The following PARD3B variants were observed in gnomAD, a reference collection of about 807,000 sequenced individuals.
PARD3B encodes partitioning defective 3 homolog B.
Under a neutral mutation model 130.2 loss-of-function variants are expected in PARD3B, and 103 were observed. The observed-to-expected ratio is 0.79, with a 90% confidence interval of 0.67 to 0.93. The LOEUF is 0.93. Ranked by LOEUF, PARD3B falls within the 40% of genes least tolerant of loss-of-function variation. PARD3B has a pLI of 0.00. For synonymous variants in PARD3B, 583 were observed against 553.2 expected, an observed-to-expected ratio of 1.05 and a Z score of -0.76; for missense variants, 1,609 against 1,499.2, an observed-to-expected ratio of 1.07 and a Z score of -1.21.
chr2:205,492,657 AAATAG>A (rs1297887553), intron 20 of PARD3B, among the ~76,000 whole-genome samples: 1 of 152,156 alleles, frequency 6.6e-6, no homozygotes, highest in South Asian at 2.1e-4. Flanking sequence ...CCTTTGAAAA[AAATAG>A]AGATGCTTTA....
intron 21 of PARD3B, among the ~76,000 whole-genome samples, chr2:205,533,660 T>A (rs972331221): frequency 6.6e-6 from 1 of 152,166 alleles, no homozygotes; most frequent in Non-Finnish European, 1.5e-5. Context: ...ATTCTCAAAT[T>A]TATAAAAATA....
At chr2:205,416,731 A>G (rs2046789824) in intron 19 of PARD3B, among the ~76,000 whole-genome samples, 1 of 152,168 alleles carries the variant, frequency 6.6e-6, no homozygotes, top group Non-Finnish European at 1.5e-5. Context: ...TCATGTAAGT[A>G]TCCACTGTAG....
chr2:205,164,152 A>G (rs183597757), intron 11 of PARD3B, among the ~76,000 whole-genome samples: 8 of 152,262 alleles, frequency 5.3e-5, no homozygotes, highest in African/African-American at 1.9e-4. Flanking sequence ...ACCTTAAAAA[A>G]GGAAGTTATT....
chr2:205,555,611 C>T lies in PARD3B; in HGVS notation c.3260+2208C>T, dbSNP rs550209760. 4.6e-5 allele frequency among the ~76,000 whole-genome samples: 7 copies of T among 152,130 alleles called. No homozygotes were observed. The South Asian group carries it at 1.5e-3, about 32-fold the overall frequency. ...TATGAATGTATGAATTGACAAAATCCCGCCAGCCCCAGAATAAAACTGTAG... is the reference window on the plus strand; with the variant it reads ...TATGAATGTATGAATTGACAAAATCTCGCCAGCCCCAGAATAAAACTGTAG... On this transcript the variant is annotated intron_variant, in intron 22 of 22. Transcript: ENST00000406610.
intron 4 of PARD3B, among the ~76,000 whole-genome samples, chr2:205,093,952 C>T (rs949001520): frequency 3.9e-5 from 6 of 152,260 alleles, no homozygotes; most frequent in African/African-American, 1.2e-4. Context: ...CAGCTGCTCT[C>T]AGCAGTTCAG....
At chr2:205,532,617 G>T (rs1323906831) in intron 21 of PARD3B, among the ~76,000 whole-genome samples, 2 of 152,146 alleles carry the variant, frequency 1.3e-5, no homozygotes, top group African/African-American at 4.8e-5. Flanking sequence ...AAACTATTTT[G>T]AAATTTGGTT....
At chr2:205,323,380 G>A (rs10181635) in intron 18 of PARD3B, among the ~76,000 whole-genome samples, 1 of 152,192 alleles carries the variant, frequency 6.6e-6, no homozygotes, top group Middle Eastern at 3.4e-3. Context: ...GAGAATCCAC[G>A]TGCAGTTACA....
At position 205,619,049 on chromosome 2, in the gene PARD3B, A is replaced by G. The variant is rs2055520895; in HGVS notation, c.*3236A>G. ...AGTAGGGGTTCTGAGACCGACTGTCACCCGTGGATCCTGATGGGGAAGAAC... is the reference window on the plus strand; with the variant it reads ...AGTAGGGGTTCTGAGACCGACTGTCGCCCGTGGATCCTGATGGGGAAGAAC... On this transcript the variant is annotated 3_prime_UTR_variant, in exon 23 of 23. Coordinates refer to ENST00000406610, the MANE Select transcript of PARD3B (RefSeq NM_001302769.2). The G allele has an allele frequency of 3.9e-5, 6 of 152,300 alleles. No individual in the cohort carries two copies. The South Asian group carries it at 8.3e-4, about 21-fold the overall frequency. 9.4% of individuals were successfully genotyped at this position (152,300 alleles called of 1,614,324 possible).
intron 13 of PARD3B, among the ~76,000 whole-genome samples, chr2:205,179,585 A>G (rs1259665937): frequency 6.6e-6 from 1 of 152,238 alleles, no homozygotes; most frequent in African/African-American, 2.4e-5. Flanking sequence ...ACAGGATTGT[A>G]GCCTAGGAGC....
intron 2 of PARD3B, among the ~76,000 whole-genome samples, chr2:204,956,458 TA>T (rs1017576271): frequency 1.3e-5 from 2 of 152,168 alleles, no homozygotes; most frequent in Non-Finnish European, 2.9e-5. Context: ...GAATATTCTT[TA>T]AAAAAAGCAG....
intron 2 of PARD3B, among the ~76,000 whole-genome samples, chr2:204,706,815 T>G (rs930185194): frequency 6.6e-6 from 1 of 152,204 alleles, no homozygotes; most frequent in Non-Finnish European, 1.5e-5. Context: ...TCTTTGGCAG[T>G]ACCCTGTAAT....
chr2:205,060,551 T>G (rs1700008539), intron 4 of PARD3B, among the ~76,000 whole-genome samples: 1 of 152,130 alleles, frequency 6.6e-6, no homozygotes, highest in African/African-American at 2.4e-5. Flanking sequence ...TGTAATTTAG[T>G]TCTGTGTCTG....
Position 205,498,016 on chromosome 2 carries a change from A to AACACACACACACACACAC in PARD3B, c.3045-1868_3045-1851dup, listed in dbSNP as rs57531393. On this transcript the variant is annotated intron_variant, in intron 20 of 22. Coordinates refer to ENST00000406610, the MANE Select transcript of PARD3B (RefSeq NM_001302769.2). Reference sequence around the variant, plus strand: ...ACATGGTGAAACCTCGTCTCTACTAAACACACACACACACACACACACACA... The same window carrying AACACACACACACACACAC: ...ACATGGTGAAACCTCGTCTCTACTAAACACACACACACACACACACACACACACACACACACACACACA... Among the ~76,000 whole-genome samples, 237 of 142,054 alleles carry AACACACACACACACACAC rather than the reference A, an allele frequency of 1.7e-3. 1 individual carries two copies. Among genetic ancestry groups the AACACACACACACACACAC allele is most frequent in the Middle Eastern group, 7.1e-3 (2 of 280 alleles). The allele number at this position is 142,054 out of a possible 152,430, so 93.2% of individuals were successfully genotyped here.
chr2:204,739,746 C>T (rs562971398), intron 2 of PARD3B, among the ~76,000 whole-genome samples: 2 of 152,090 alleles, frequency 1.3e-5, no homozygotes, highest in Non-Finnish European at 2.9e-5. Context: ...CCAACCATGC[C>T]TGGCCTCATT....
intron 18 of PARD3B, among the ~76,000 whole-genome samples, chr2:205,372,774 G>A (rs1287634132): frequency 1.3e-5 from 2 of 152,144 alleles, no homozygotes; most frequent in Non-Finnish European, 1.5e-5. Flanking sequence ...GACTCCAGTA[G>A]TTCGAGAGCA....
intron 20 of PARD3B, among the ~76,000 whole-genome samples, chr2:205,483,975 G>A (rs2049341641): frequency 1.3e-5 from 2 of 151,930 alleles, no homozygotes; most frequent in Non-Finnish European, 2.9e-5. Flanking sequence ...CATGTTCCTC[G>A]CCTGTACTTC....
intron 2 of PARD3B, among the ~76,000 whole-genome samples, chr2:204,963,525 A>G (rs544219242): frequency 2.0e-5 from 3 of 152,322 alleles, no homozygotes; most frequent in Non-Finnish European, 2.9e-5. Context: ...AATGAACATT[A>G]CTAATATATG....
At chr2:205,451,168 A>G (rs1461561920) in intron 20 of PARD3B, among the ~76,000 whole-genome samples, 1 of 152,106 alleles carries the variant, frequency 6.6e-6, no homozygotes, top group Non-Finnish European at 1.5e-5. Context: ...CCTCTTCTTC[A>G]TGTTGCATCA....
intron 1 of PARD3B, among the ~76,000 whole-genome samples, chr2:204,567,608 T>A (rs1344123830): frequency 6.6e-6 from 1 of 152,250 alleles, no homozygotes; most frequent in South Asian, 2.1e-4. Flanking sequence ...GTTTATTCAT[T>A]TATCCATTGA....
Sources: allele counts gnomAD v4.1 joint callset (sites outside exome capture counted in the v4.1 genomes callset), GRCh38; gene constraint gnomAD v4.1.1; transcripts MANE v1.5; gene names NCBI Gene and HGNC (gene_info 2026-07-23, HGNC 2026-07-21).